MAP3K12: variants seen among roughly 807,000 people sequenced by gnomAD.
MAP3K12 encodes MAPK-upstream kinase.
In MAP3K12, 14 loss-of-function variants were observed where a neutral mutation model predicts 87.5. The ratio of observed to expected loss-of-function variants is 0.16; its 90% CI spans 0.11 to 0.25. MAP3K12 has a LOEUF of 0.25. Ranked by LOEUF, MAP3K12 falls within the 10% of genes least tolerant of loss-of-function variation. MAP3K12 has a pLI of 1.00. For synonymous variants in MAP3K12, 469 were observed against 452.5 expected, an observed-to-expected ratio of 1.04 and a Z score of -0.46; for missense variants, 802 against 1,140.4, an observed-to-expected ratio of 0.70 and a Z score of 4.27.
At chr12:53,495,845 TTTGA>T (rs1422544340) in intron 1 of MAP3K12, among the ~76,000 whole-genome samples, 6 of 152,306 alleles carry the variant, frequency 3.9e-5, no homozygotes, top group South Asian at 2.1e-4. Context: ...AATTCGGGTC[TTTGA>T]TTGGTAAATC....
chr12:53,495,339 CAAAAAAAAAAAA>C (rs10647631), intron 1 of MAP3K12, among the ~76,000 whole-genome samples: 4 of 19,378 alleles, frequency 2.1e-4, no homozygotes, highest in South Asian at 5.2e-3. Context: ...ACTCTGTCTC[CAAAAAAAAAAAA>C]AAAAAAAAAA....
intron 1 of MAP3K12, among the ~76,000 whole-genome samples, chr12:53,495,061 C>T (rs764359965): frequency 2.0e-5 from 3 of 151,978 alleles, no homozygotes; most frequent in African/African-American, 7.2e-5. Flanking sequence ...AAAAAAAGGC[C>T]GAGCACAGTG....
rs775015105 is a variant in MAP3K12, at chr12:53,486,061, T to C, written c.816A>G (p.Ser272=). ...LHKIIHRDLK[S]PNMLITYDDV... ...CTCCCTGCTTGCTTACTCACTTGGG[T>C]GACTTGAGATCCCTGTGGATAATCT... is the stretch of plus-strand genomic sequence containing the variant. The change falls in exon 4 of 14, where the codon TCA becomes TCG. Residue 272 remains serine, a synonymous_variant. Transcript: ENST00000547488. The surrounding 1 kb of genome is among the most constrained non-coding windows in gnomAD (Gnocchi z 4.9). The C allele has an allele frequency of 6.2e-7, 1 of 1,603,402 alleles. No individual in the cohort carries two copies. The highest frequency in any genetic ancestry group is 1.7e-5 in the Admixed American group (1 of 59,078).
At chr12:53,484,743 T>C (rs1322952134) in intron 6 of MAP3K12, 1 of 472,082 alleles carries the variant, frequency 2.1e-6, no homozygotes, top group Non-Finnish European at 3.8e-6. Flanking sequence ...TAAGGTTGTT[T>C]ACTTGAGGCT....
intron 1 of MAP3K12, among the ~76,000 whole-genome samples, chr12:53,496,697 C>T (rs969073982): frequency 5.9e-5 from 9 of 152,182 alleles, no homozygotes; most frequent in Admixed American, 3.9e-4. Context: ...TTTGGGTTTA[C>T]GTATATTCCT....
rs1228124542 is a variant in MAP3K12, at chr12:53,485,085, A to G, written c.1110T>C (p.Asp370=). ...ACTGGCGAAGCAGGATCTTGAAACCATCTGGGCAACTGGAGGGCACGGGCA... is the reference window on the plus strand; with the variant it reads ...ACTGGCGAAGCAGGATCTTGAAACCGTCTGGGCAACTGGAGGGCACGGGCA... ...LHLPVPSSCP[D]GFKILLRQCW... Residue 370 remains aspartate (D), a synonymous_variant, in exon 6 of 14, where the codon GAT becomes GAC. Transcript: ENST00000547488. 1 of 1,614,192 alleles carries G rather than the reference A, an allele frequency of 6.2e-7. No homozygotes were observed. Among genetic ancestry groups the G allele is most frequent in the Non-Finnish European group, 8.5e-7 (1 of 1,180,038 alleles).
Position 53,483,980 on chromosome 12 carries a change from A to G in MAP3K12, c.1289T>C (p.Ile430Thr). 1 of 1,614,014 alleles carries G rather than the reference A, an allele frequency of 6.2e-7. No homozygotes were observed. Among genetic ancestry groups the G allele is most frequent in the Non-Finnish European group, 8.5e-7 (1 of 1,179,988 alleles). Residue 430 changes from isoleucine (I) to threonine (T), a missense_variant, in exon 8 of 14, where the codon ATT becomes ACT. Physicochemically the swap from Ile to Thr is moderately conservative, Grantham distance 89 (BLOSUM62 -1). This residue lies in a region of MAP3K12 where 99 missense variants were observed against 193.4 expected (regional missense o/e 0.51). Transcript: ENST00000547488. ...REEVKLHFEK[I>T]KSEGTCLHRL... ...GTGCAGACAGGTCCCTTCTGACTTA[A>G]TCTTTTCAAAGTGCAGTTTTACTTC...
intron 6 of MAP3K12, 83 bp downstream of exon 6, chr12:53,484,973 G>T: frequency 6.6e-7 from 1 of 1,511,022 alleles, no homozygotes; most frequent in Non-Finnish European, 9.1e-7. Flanking sequence ...ATGTACCCCT[G>T]CCATTTATTG....
chr12:53,481,166 G>C lies in MAP3K12; in HGVS notation c.*16C>G. 1 of 1,362,276 alleles carries C rather than the reference G, an allele frequency of 7.3e-7. No individual in the cohort carries two copies. Among genetic ancestry groups the C allele is most frequent in the Non-Finnish European group, 9.7e-7 (1 of 1,031,158 alleles). 84.4% of individuals were successfully genotyped at this position (1,362,276 alleles called of 1,614,324 possible). ...TATATAAATATTTCTCTATGTACAA[G>C]GAATACGAGTGGCTTTCATGGAGGG... On this transcript the variant is annotated 3_prime_UTR_variant, in exon 14 of 14. Transcript: ENST00000547488.
Position 53,482,002 on chromosome 12 carries a change from A to G in MAP3K12, c.2519T>C (p.Val840Ala), listed in dbSNP as rs778605042. 9.9e-6 allele frequency: 16 copies of G among 1,613,986 alleles called. No homozygotes were observed. In the Admixed American group the frequency reaches 2.3e-4, roughly 24 times the overall value. The change falls in exon 13 of 14, where the codon GTC becomes GCC. Residue 840 changes from valine (V) to alanine (A), a missense_variant. This residue lies in a region of MAP3K12 where 490 missense variants were observed against 496.6 expected (regional missense o/e 0.99). Transcript: ENST00000547488. Reference sequence around the variant, plus strand: ...GGAGCTGGGTTCAGGGCCAGGGATGACCTCTGAAGGAGGTGGGTCCAGTGG... The same window carrying G: ...GGAGCTGGGTTCAGGGCCAGGGATGGCCTCTGAAGGAGGTGGGTCCAGTGG... ...EIPLDPPPSE[V>A]IPGPEPSSLP...
In MAP3K12 at chr12:53,483,945, C is replaced by G; in HGVS notation, c.1324G>C (p.Glu442Gln). 1 of 1,614,194 alleles carries G rather than the reference C, an allele frequency of 6.2e-7. No individual in the cohort carries two copies. Among genetic ancestry groups the G allele is most frequent in the South Asian group, 1.1e-5 (1 of 91,086 alleles). ...SEGTCLHRLE[E>Q]ELVMRRREEL... ...TCCCTCCTCCTCATCACCAGTTCCT[C>G]TTCTAGGCGGTGCAGACAGGTCCCT... The change falls in exon 8 of 14, where the codon GAG (glutamate) becomes CAG (glutamine). Residue 442 changes from glutamate to glutamine, a missense_variant. Transcript: ENST00000547488.
Position 53,486,697 on chromosome 12 carries a change from T to G in MAP3K12, c.446-75A>C. The G allele has an allele frequency of 6.8e-7, 1 of 1,471,328 alleles. No individual in the cohort carries two copies. Among genetic ancestry groups the G allele is most frequent in the South Asian group, 1.4e-5 (1 of 72,304 alleles). The allele number at this position is 1,471,328 out of a possible 1,614,324, so 91.1% of individuals were successfully genotyped here. A position where few individuals can be genotyped will look rare whatever the true frequency, so the allele number is the denominator to read the frequency against. ...AGGCCAGGGACAGGATAGCATTGGG[T>G]TGGCTGAATTGACTTAAGGAGGGTG... On this transcript the variant is annotated intron_variant, in intron 2 of 13. Transcript: ENST00000547488. The surrounding 1 kb of genome is among the most constrained non-coding windows in gnomAD (Gnocchi z 4.9).
At chr12:53,481,628 G>C (rs1410739610) in intron 13 of MAP3K12, 1 of 347,840 alleles carries the variant, frequency 2.9e-6, no homozygotes, top group Non-Finnish European at 5.3e-6. Context: ...GATTCCAGGC[G>C]TGAGTCACCA....
At chr12:53,484,525 A>G (rs1943171255) in intron 6 of MAP3K12, 160 bp from the exon 7 acceptor site, 1 of 609,572 alleles carries the variant, frequency 1.6e-6, no homozygotes, top group South Asian at 2.0e-5. Flanking sequence ...AATATTACAC[A>G]CTATTCATTA....
In MAP3K12 at chr12:53,495,231, C is replaced by T. The variant is rs896783417; in HGVS notation, c.-38+4196G>A. On this transcript the variant is annotated intron_variant, in intron 1 of 13. Transcript: ENST00000547488. ...GCGGACGCCTGTAGTCCCAGCTACT[C>T]GGGAGGCTGAGGCAGGAGAATGGCG... Among the ~76,000 whole-genome samples, 5 of 143,814 alleles carry T rather than the reference C, an allele frequency of 3.5e-5. No individual in the cohort carries two copies. The East Asian group carries it at 6.5e-4, about 19-fold the overall frequency. The allele number at this position is 143,814 out of a possible 152,430, so 94.3% of individuals were successfully genotyped here. A position where few individuals can be genotyped will look rare whatever the true frequency, so the allele number is the denominator to read the frequency against.
chr12:53,483,279 C>T (rs1254802119), intron 10 of MAP3K12, 70 bp downstream of exon 10: 3 of 1,582,130 alleles, frequency 1.9e-6, no homozygotes, highest in South Asian at 1.2e-5. Context: ...TACACATCTC[C>T]CTGCTAATAT....
At position 53,482,375 on chromosome 12, in the gene MAP3K12, GGA is replaced by G. The variant is rs765972667; in HGVS notation, c.2239-8_2239-7del. On this transcript the variant is annotated splice_region_variant and splice_polypyrimidine_tract_variant and intron_variant, in intron 11 of 13. Coordinates refer to ENST00000547488, the MANE Select transcript of MAP3K12 (RefSeq NM_001193511.2). ...TCCGATGAGATGCCACGTTTCTGCA[GGA>G]GAGATGGGGTGGGGGGGGTCTGATT... 2.5e-6 allele frequency: 4 copies of G among 1,613,900 alleles called. No individual in the cohort carries two copies. Among genetic ancestry groups the G allele is most frequent in the Admixed American group, 3.3e-5 (2 of 60,014 alleles).
Position 53,483,814 on chromosome 12 carries a change from T to C in MAP3K12, c.1359-91A>G, listed in dbSNP as rs373689827. 7.4e-6 allele frequency: 12 copies of C among 1,611,574 alleles called. No homozygotes were observed. In the African/African-American group the frequency reaches 8.0e-5, roughly 11 times the overall value. ...CTCAGAATTCCTGTCCACAGTCCTT[T>C]CGTAGTCCTTCCACCCGCCCTGGGG... On this transcript the variant is annotated intron_variant, in intron 8 of 13. Coordinates refer to ENST00000547488, the MANE Select transcript of MAP3K12 (RefSeq NM_001193511.2).
rs746487486 is a variant in MAP3K12, at chr12:53,482,620, G to C, written c.2183C>G (p.Ser728Cys). ...TSGRGGSRAG[S>C]QHLTPAALLY... is the part of the protein sequence containing the mutation. ...CAGTGCAGCTGGGGTCAAGTGCTGG[G>C]ACCCAGCCCGGCTTCCTCCCCGGCC... The change falls in exon 11 of 14, where the codon TCC (serine) becomes TGC (cysteine). Residue 728 changes from serine to cysteine, a missense_variant. Ser to Cys is a moderately radical substitution (Grantham distance 112). Coordinates refer to ENST00000547488, the MANE Select transcript of MAP3K12 (RefSeq NM_001193511.2). The C allele has an allele frequency of 2.4e-5, 39 of 1,613,754 alleles. No homozygotes were observed. In the Middle Eastern group the frequency reaches 6.6e-4, roughly 27 times the overall value.
Sources: gnomAD v4.1 joint callset for allele counts (sites outside exome capture counted in the v4.1 genomes callset) on GRCh38, gnomAD v4.1.1 for gene constraint, gnomAD v4.1.1 regional missense constraint, Gnocchi (gnomAD v3.1) non-coding constraint, MANE v1.5 for transcripts, NCBI Gene and HGNC (gene_info 2026-07-23, HGNC 2026-07-21) for gene names.